The following DEUP1 variants were observed in gnomAD, a reference collection of about 807,000 sequenced individuals.
DEUP1 encodes coiled-coil domain containing 67.
In DEUP1, 82 loss-of-function variants were observed where a neutral mutation model predicts 87.4. The ratio of observed to expected loss-of-function variants is 0.94; its 90% CI spans 0.78 to 1.13. The LOEUF (loss-of-function observed/expected upper bound fraction) is 1.13. Among genes scored for constraint, DEUP1 ranks in the 50% most tolerant of loss-of-function variants. The pLI, the probability that DEUP1 is intolerant of heterozygous loss-of-function variation, is 0.00. For missense variants in DEUP1, 663 were observed against 681.5 expected (o/e 0.97, Z 0.30); for synonymous variants, 214 against 222.7 (o/e 0.96, Z 0.35).
chr11:93,436,701 A>G (rs550106705), intron 13 of DEUP1, among the ~76,000 whole-genome samples: 166 of 152,286 alleles, frequency 1.1e-3, no homozygotes, highest in African/African-American at 3.6e-3. Flanking sequence ...CGACTCCCCA[A>G]ACACTACATA....
At chr11:93,427,012 GAAAAAAA>G (rs1215051153) in intron 13 of DEUP1, among the ~76,000 whole-genome samples, 183 of 11,846 alleles carry the variant, frequency 0.015, 54 homozygotes, top group African/African-American at 0.073. Flanking sequence ...AAAAAAAAAA[GAAAAAAA>G]AAAAAAAAAA....
Position 93,347,151 on chromosome 11 carries a change from C to T in DEUP1, c.30-8220C>T, listed in dbSNP as rs1049789306. Among the ~76,000 whole-genome samples, 12 of 152,096 alleles carry T rather than the reference C, an allele frequency of 7.9e-5. No individual in the cohort carries two copies. In the East Asian group the frequency reaches 1.5e-3, roughly 20 times the overall value. On this transcript the variant is annotated intron_variant, in intron 2 of 13. Transcript: ENST00000298050. ...TCAAGGGGAATGCTTCCAGCTTTTGCGCATTCAGTGTGATGTTGGCTCTGA... is the reference window on the plus strand; with the variant it reads ...TCAAGGGGAATGCTTCCAGCTTTTGTGCATTCAGTGTGATGTTGGCTCTGA...
intron 2 of DEUP1, among the ~76,000 whole-genome samples, chr11:93,333,559 T>C (rs935774301): frequency 1.3e-5 from 2 of 152,246 alleles, no homozygotes; most frequent in African/African-American, 4.8e-5. Flanking sequence ...CTGGGGAATA[T>C]GGTCTGTAAC....
intron 11 of DEUP1, among the ~76,000 whole-genome samples, chr11:93,405,061 A>T (rs1211167050): frequency 7.2e-6 from 1 of 139,440 alleles, no homozygotes; most frequent in East Asian, 2.2e-4. Flanking sequence ...CCAACATTGG[A>T]TAAAAAAAAT....
intron 7 of DEUP1, among the ~76,000 whole-genome samples, chr11:93,381,565 C>G (rs1303524751): frequency 6.6e-6 from 1 of 152,098 alleles, no homozygotes; most frequent in African/African-American, 2.4e-5. Flanking sequence ...TATATTTATT[C>G]ATTATGCTAC....
At chr11:93,351,429 T>G (rs1944622237) in intron 2 of DEUP1, among the ~76,000 whole-genome samples, 1 of 152,192 alleles carries the variant, frequency 6.6e-6, no homozygotes, top group Admixed American at 6.5e-5. Context: ...TCTGGTGAGA[T>G]GGTAATGAAC....
Position 93,389,108 on chromosome 11 carries a change from G to T in DEUP1, c.1024G>T (p.Glu342Ter). The T allele has an allele frequency of 6.3e-7, 1 of 1,589,536 alleles. No homozygotes were observed. Among genetic ancestry groups the T allele is most frequent in the Non-Finnish European group, 8.6e-7 (1 of 1,165,596 alleles). ...AGTGATGCAAGATCAACCAAATCAT[G>T]AAAAAGAATTGAACAAGGTATGAAA... ...FSVMQDQPNH[E>*]KELNKIRSQL... The change falls in exon 9 of 14, where the codon GAA becomes TAA. Residue 342 changes from glutamate (E) to a stop codon, truncating the protein, a stop_gained. Transcript: ENST00000298050. LOFTEE classifies it high-confidence loss of function.
At chr11:93,385,027 G>T (rs898455649) in intron 7 of DEUP1, among the ~76,000 whole-genome samples, 2 of 152,144 alleles carry the variant, frequency 1.3e-5, no homozygotes, top group African/African-American at 2.4e-5. Flanking sequence ...TTTGAGACCA[G>T]CCTGATCAAC....
chr11:93,405,164 T>C (rs1947232394), intron 11 of DEUP1, among the ~76,000 whole-genome samples: 1 of 151,910 alleles, frequency 6.6e-6, no homozygotes, highest in South Asian at 2.1e-4. Flanking sequence ...CTGGTAGATA[T>C]CTTATTAAGA....
At chr11:93,427,763 T>A (rs1947971112) in intron 13 of DEUP1, among the ~76,000 whole-genome samples, 1 of 127,440 alleles carries the variant, frequency 7.8e-6, no homozygotes, top group African/African-American at 2.7e-5. Flanking sequence ...TACAATCGAC[T>A]CAAACAAATT....
intron 6 of DEUP1, 146 bp downstream of exon 6, chr11:93,370,332 A>T (rs1473991954): frequency 1.8e-6 from 1 of 562,148 alleles, no homozygotes. Flanking sequence ...TCACAAGTGC[A>T]TAGAATATCT....
chr11:93,353,482 C>G (rs1343807095), intron 2 of DEUP1, among the ~76,000 whole-genome samples: 1 of 152,190 alleles, frequency 6.6e-6, no homozygotes, highest in Non-Finnish European at 1.5e-5. Flanking sequence ...TCTCACAGCT[C>G]CAATAGGCAG....
At chr11:93,416,555 AG>A (rs1364435296) in intron 13 of DEUP1, among the ~76,000 whole-genome samples, 1 of 151,872 alleles carries the variant, frequency 6.6e-6, no homozygotes, top group African/African-American at 2.4e-5. Context: ...CCAACCAAAA[AG>A]AGTCCAGGAC....
rs559181095 is a variant in DEUP1, at chr11:93,340,176, A to G, written c.29+7888A>G. On this transcript the variant is annotated intron_variant, in intron 2 of 13. Transcript: ENST00000298050. ...TATGTTGGGGGTGGTAATAATCACT[A>G]TGTAGAAAAAGTAAGCAGATTATGA... Among the ~76,000 whole-genome samples, 5 of 152,292 alleles carry G rather than the reference A, an allele frequency of 3.3e-5. No homozygotes were observed. In the East Asian group the frequency reaches 5.8e-4, roughly 18 times the overall value.
At chr11:93,382,994 G>A (rs1205284588) in intron 7 of DEUP1, among the ~76,000 whole-genome samples, 1 of 152,094 alleles carries the variant, frequency 6.6e-6, no homozygotes, top group Non-Finnish European at 1.5e-5. Context: ...GCCCCTCACT[G>A]AACACAGGCC....
chr11:93,361,745 A>T (rs990478260), intron 4 of DEUP1, among the ~76,000 whole-genome samples: 2 of 152,094 alleles, frequency 1.3e-5, no homozygotes, highest in Admixed American at 1.3e-4. Flanking sequence ...GAGAACAAAC[A>T]GGAAACAAAA....
chr11:93,378,116 G>A (rs899724166), intron 7 of DEUP1, among the ~76,000 whole-genome samples: 3 of 152,076 alleles, frequency 2.0e-5, no homozygotes, highest in African/African-American at 7.2e-5. Flanking sequence ...AATTTCCCAG[G>A]TGTTCTTTGA....
intron 4 of DEUP1, among the ~76,000 whole-genome samples, chr11:93,361,149 A>T (rs2925358): frequency 2.6e-5 from 4 of 152,016 alleles, no homozygotes; most frequent in Admixed American, 2.0e-4. Flanking sequence ...GAAAGAACAG[A>T]GCTTTCAACC....
intron 9 of DEUP1, among the ~76,000 whole-genome samples, chr11:93,393,090 T>C (rs1340054861): frequency 7.2e-6 from 1 of 138,410 alleles, no homozygotes; most frequent in South Asian, 2.3e-4. Flanking sequence ...CCTCCTTCTT[T>C]TTTTTTTTTT....
Sources: gnomAD v4.1 joint callset for allele counts (sites outside exome capture counted in the v4.1 genomes callset) on GRCh38, gnomAD v4.1.1 for gene constraint, MANE v1.5 for transcripts, NCBI Gene and HGNC (gene_info 2026-07-23, HGNC 2026-07-21) for gene names.